SEC14L5: variants seen among roughly 807,000 people sequenced by gnomAD.
SEC14L5 encodes the protein SEC14-like protein 5.
A neutral mutation model predicts 84.6 loss-of-function variants in SEC14L5; 96 were observed. The ratio of observed to expected loss-of-function variants is 1.13; its 90% CI spans 0.96 to 1.34. The LOEUF is 1.34. Among genes scored for constraint, SEC14L5 ranks in the 40% most tolerant of loss-of-function variants. The pLI is 0.00. For missense variants in SEC14L5, 1,224 were observed against 942.5 expected, an observed-to-expected ratio of 1.30 and a Z score of -3.91; for synonymous variants, 546 against 383.4, an observed-to-expected ratio of 1.42 and a Z score of -4.95.
rs752742021 is a variant in SEC14L5, at chr16:5,014,844, G to A, written c.1980-15G>A. 1.1e-5 allele frequency: 17 copies of A among 1,605,884 alleles called. No individual in the cohort carries two copies. Among genetic ancestry groups the A allele is most frequent in the Admixed American group, 5.0e-5 (3 of 59,882 alleles). On this transcript the variant is annotated splice_polypyrimidine_tract_variant and intron_variant, in intron 15 of 15. Coordinates refer to ENST00000251170, the MANE Select transcript of SEC14L5 (RefSeq NM_014692.2). ...ACTGTGAGAGGGTAACGTGTGCCAC[G>A]CCCTTCCTCCCCAGGGGCTCCATGT...
chr16:4,980,119 C>T (rs765116044), intron 2 of SEC14L5, among the ~76,000 whole-genome samples: 1 of 152,210 alleles, frequency 6.6e-6, no homozygotes, highest in Non-Finnish European at 1.5e-5. Flanking sequence ...ACTTGCTCAT[C>T]TGTAAAATGG....
chr16:4,967,533 G>A (rs1348683489), intron 2 of SEC14L5, among the ~76,000 whole-genome samples: 2 of 147,718 alleles, frequency 1.4e-5, no homozygotes, highest in African/African-American at 2.5e-5. Context: ...CAGACTTTCC[G>A]GATTCTGGCT....
Position 5,007,610 on chromosome 16 carries a change from T to TTTCTTTC in SEC14L5, c.1572+126_1572+127insCTTTCTT. The TTTCTTTC allele has an allele frequency of 1.3e-5, 9 of 703,084 alleles. No individual in the cohort carries two copies. In the African/African-American group the frequency reaches 1.4e-4, roughly 11 times the overall value. The allele number at this position is 703,084 out of a possible 1,614,324, so 43.6% of individuals were successfully genotyped here. A position where few individuals can be genotyped will look rare whatever the true frequency, so the allele number is the denominator to read the frequency against. On this transcript the variant is annotated intron_variant, in intron 13 of 15. Coordinates refer to ENST00000251170, the MANE Select transcript of SEC14L5 (RefSeq NM_014692.2). Reference sequence around the variant, plus strand: ...CTTTTCTTTCTTTCTTTCTTTCTTTTTTTTTTTTTTTTTGGGATGGAGTCT... The same window carrying TTTCTTTC: ...CTTTTCTTTCTTTCTTTCTTTCTTTTTTCTTTCTTTTTTTTTTTTTGGGATGGAGTCT...
chr16:5,006,461 A>G (rs996510035), intron 12 of SEC14L5, among the ~76,000 whole-genome samples: 1 of 152,164 alleles, frequency 6.6e-6, no homozygotes, highest in Non-Finnish European at 1.5e-5. Context: ...ACTAGCCTCC[A>G]ACCCACAGCC....
chr16:4,985,257 C>G (rs184274967), intron 2 of SEC14L5, among the ~76,000 whole-genome samples: 6 of 152,126 alleles, frequency 3.9e-5, no homozygotes, highest in Admixed American at 6.6e-5. Flanking sequence ...TGGAGTTTTG[C>G]TCTTGTCGCC....
chr16:5,005,231 C>G (rs980804699), intron 11 of SEC14L5, among the ~76,000 whole-genome samples: 2 of 152,048 alleles, frequency 1.3e-5, no homozygotes, highest in Non-Finnish European at 2.9e-5. Context: ...AGGAGAATCA[C>G]TTGAACCTGG....
At chr16:4,975,039 A>C (rs1955324561) in intron 2 of SEC14L5, among the ~76,000 whole-genome samples, 1 of 151,800 alleles carries the variant, frequency 6.6e-6, no homozygotes, top group African/African-American at 2.4e-5. Context: ...CAGCCTCCCA[A>C]AGTCCTGGGA....
intron 11 of SEC14L5, among the ~76,000 whole-genome samples, chr16:5,005,677 T>C (rs1358051889): frequency 2.0e-5 from 3 of 151,350 alleles, no homozygotes; most frequent in African/African-American, 4.9e-5. Flanking sequence ...CTGGCTAACA[T>C]GGTGAAACCC....
intron 2 of SEC14L5, among the ~76,000 whole-genome samples, chr16:4,976,199 A>T (rs1955336750): frequency 6.6e-6 from 1 of 152,234 alleles, no homozygotes; most frequent in African/African-American, 2.4e-5. Flanking sequence ...ACAAGTAGCA[A>T]GGTAGCTACT....
At chr16:4,964,891 C>T (rs902922930) in intron 2 of SEC14L5, among the ~76,000 whole-genome samples, 7 of 152,000 alleles carry the variant, frequency 4.6e-5, no homozygotes, top group Admixed American at 6.6e-5. Flanking sequence ...CCACCACGCC[C>T]GGCTAATGTT....
intron 8 of SEC14L5, among the ~76,000 whole-genome samples, chr16:4,998,026 C>T (rs1596635625): frequency 8.1e-6 from 1 of 122,818 alleles, no homozygotes; most frequent in Non-Finnish European, 1.6e-5. Context: ...TTTTTTGAGA[C>T]AGAGTCTGGC....
At chr16:4,967,803 C>T (rs111908472) in intron 2 of SEC14L5, among the ~76,000 whole-genome samples, 1 of 150,642 alleles carries the variant, frequency 6.6e-6, no homozygotes, top group African/African-American at 2.4e-5. Context: ...CAACTCCTGA[C>T]CTCAAGTGAC....
intron 2 of SEC14L5, among the ~76,000 whole-genome samples, chr16:4,959,892 C>T (rs180823137): frequency 9.9e-5 from 15 of 151,742 alleles, no homozygotes; most frequent in Non-Finnish European, 7.4e-5. Context: ...GAGGTGGAGT[C>T]GGGGCTGAGA....
At chr16:5,007,244 G>T (rs1955741686) in intron 12 of SEC14L5, 108 bp from the exon 13 acceptor site, 2 of 932,466 alleles carry the variant, frequency 2.1e-6, no homozygotes, top group East Asian at 5.2e-5. Flanking sequence ...ATTCAGTAAG[G>T]GGTTGCAATT....
At chr16:5,003,372 C>G in intron 10 of SEC14L5, 30 bp from the exon 11 acceptor site, 22 of 1,595,660 alleles carry the variant, frequency 1.4e-5, no homozygotes, top group Non-Finnish European at 1.9e-5. Context: ...GCAGCAGAGC[C>G]AGGTGGAGCT....
chr16:5,008,520 C>T lies in SEC14L5; in HGVS notation c.1672C>T (p.Pro558Ser), dbSNP rs1271331661. ...CAGCCTGTACCACACCAAGCAGGCGCCCAGGCTGGGCGCCCGGGAACCGGG... is the reference window on the plus strand; with the variant it reads ...CAGCCTGTACCACACCAAGCAGGCGTCCAGGCTGGGCGCCCGGGAACCGGG... ...VFSLYHTKQA[P>S]RLGAREPGTR... Residue 558 changes from proline to serine, a missense_variant, in exon 14 of 16, where the codon CCC becomes TCC. By Grantham distance (74) the Pro-to-Ser change is moderately conservative. Transcript: ENST00000251170. The T allele has an allele frequency of 6.2e-7, 1 of 1,610,070 alleles. No homozygotes were observed. The highest frequency in any genetic ancestry group is 1.3e-5 in the African/African-American group (1 of 74,598).
intron 11 of SEC14L5, 36 bp downstream of exon 11, chr16:5,003,609 G>T: frequency 1.8e-6 from 2 of 1,137,970 alleles, no homozygotes; most frequent in Non-Finnish European, 1.3e-6. Flanking sequence ...CTCTCCCTGG[G>T]GGTGGGTGGG....
Position 4,959,391 on chromosome 16 carries a change from G to A in SEC14L5, c.63+5G>A. The A allele has an allele frequency of 6.2e-7, 1 of 1,613,378 alleles. No individual in the cohort carries two copies. Among genetic ancestry groups the A allele is most frequent in the Non-Finnish European group, 8.5e-7 (1 of 1,179,336 alleles). On this transcript the variant is annotated splice_donor_5th_base_variant and intron_variant, in intron 2 of 15. Transcript: ENST00000251170. ...CCGTTTGAGCTGGTCATGGCGGTGA[G>A]TGACTCCTGATTCTTGGGCCCCCAT...
At position 4,996,477 on chromosome 16, in the gene SEC14L5, C is replaced by T. The variant is rs1568134631; in HGVS notation, c.780+17C>T. The T allele has an allele frequency of 7.0e-7, 1 of 1,436,366 alleles. No individual in the cohort carries two copies. The highest frequency in any genetic ancestry group is 2.0e-5 in the Admixed American group (1 of 51,062). 89.0% of individuals were successfully genotyped at this position (1,436,366 alleles called of 1,614,324 possible). ...AAAGGCAAGGTGGGTGCAGGGGGTACCCTGGAGCAGTGGATGAATGGGCAA... is the reference window on the plus strand; with the variant it reads ...AAAGGCAAGGTGGGTGCAGGGGGTATCCTGGAGCAGTGGATGAATGGGCAA... On this transcript the variant is annotated intron_variant, in intron 7 of 15. Coordinates refer to ENST00000251170, the MANE Select transcript of SEC14L5 (RefSeq NM_014692.2).
Sources: allele counts gnomAD v4.1 joint callset (sites outside exome capture counted in the v4.1 genomes callset), GRCh38; gene constraint gnomAD v4.1.1; transcripts MANE v1.5; gene names NCBI Gene and HGNC (gene_info 2026-07-23, HGNC 2026-07-21).